SPAG1: variants seen among roughly 807,000 people sequenced by gnomAD.
The protein encoded by SPAG1 is sperm-associated antigen 1.
A neutral mutation model predicts 100.5 loss-of-function variants in SPAG1; 69 were observed. The ratio of observed to expected loss-of-function variants is 0.69; its 90% CI spans 0.57 to 0.84. SPAG1 has a LOEUF of 0.84. Ranked by LOEUF, SPAG1 falls within the 40% of genes least tolerant of loss-of-function variation. The pLI is 0.00. For missense variants in SPAG1, 955 were observed against 1,133.1 expected (o/e 0.84, Z 2.26); for synonymous variants, 336 against 411.6 (o/e 0.82, Z 2.22).
At chr8:100,214,087 A>T (rs1817865099) in intron 12 of SPAG1, among the ~76,000 whole-genome samples, 169 bp downstream of exon 12, 1 of 152,208 alleles carries the variant, frequency 6.6e-6, no homozygotes, top group Non-Finnish European at 1.5e-5. Flanking sequence ...GTATATGAAG[A>T]GAGTTATAGA....
rs1056239326 is a variant in SPAG1 at position 100,241,518 on chromosome 8, T to C, written c.*496T>C. On this transcript the variant is annotated 3_prime_UTR_variant, in exon 19 of 19. Transcript: ENST00000388798. This position sits in a 1 kb window ranked among gnomAD's most constrained non-coding sequence, Gnocchi z 5.1. ...AAATGAAATGCAACACTGAAGTCTA[T>C]AACATGAAATGATTATTAAATTGTT... 1 of 152,190 alleles carries C rather than the reference T, an allele frequency of 6.6e-6. No homozygotes were observed. The highest frequency in any genetic ancestry group is 1.5e-5 in the Non-Finnish European group (1 of 67,998). 9.4% of individuals were successfully genotyped at this position (152,190 alleles called of 1,614,324 possible).
intron 2 of SPAG1, among the ~76,000 whole-genome samples, chr8:100,163,662 G>A (rs144997801): frequency 1.3e-5 from 2 of 151,948 alleles, no homozygotes; most frequent in African/African-American, 4.8e-5. Context: ...CTTATCACTG[G>A]GTTCTTCCCT....
Position 100,183,987 on chromosome 8 carries a change from G to A in SPAG1, c.520G>A (p.Asp174Asn), listed in dbSNP as rs1277584118. ...FDVEKECLKI[D>N]EDYKEKTVID... ...CGTGGAGAAGGAATGTTTAAAAATT[G>A]ATGAAGATTACAAAGAAAAGACGGT... Residue 174 changes from aspartate to asparagine, a missense_variant, in exon 6 of 19, where the codon GAT becomes AAT. Transcript: ENST00000388798. 1.3e-6 allele frequency: 2 copies of A among 1,548,512 alleles called. No individual in the cohort carries two copies. Among genetic ancestry groups the A allele is most frequent in the Non-Finnish European group, 1.7e-6 (2 of 1,152,626 alleles).
At position 100,213,271 on chromosome 8, in the gene SPAG1, G is replaced by T; in HGVS notation, c.1278G>T (p.Ala426=). 8.2e-7 allele frequency: 1 copy of T among 1,212,660 alleles called. No homozygotes were observed. Among genetic ancestry groups the T allele is most frequent in the Non-Finnish European group, 1.0e-6 (1 of 978,384 alleles). The allele number at this position is 1,212,660 out of a possible 1,614,324, so 75.1% of individuals were successfully genotyped here. ...KRSPRRASAA[A]AAGGGATGHP... is the part of the protein sequence containing the mutation. ...GCCCACGGCGGGCCTCTGCGGCGGCGGCGGCGGGCGGCGGCGCCACCGGGC... is the reference window on the plus strand; with the variant it reads ...GCCCACGGCGGGCCTCTGCGGCGGCTGCGGCGGGCGGCGGCGCCACCGGGC... The change falls in exon 11 of 19, where the codon GCG becomes GCT. Residue 426 remains alanine, a synonymous_variant. Coordinates refer to ENST00000388798, the MANE Select transcript of SPAG1 (RefSeq NM_003114.5).
chr8:100,171,241 G>A (rs1815835653), intron 3 of SPAG1, among the ~76,000 whole-genome samples: 1 of 152,026 alleles, frequency 6.6e-6, no homozygotes, highest in Admixed American at 6.6e-5. Flanking sequence ...GATTTGATTT[G>A]CTAAAATTTT....
intron 15 of SPAG1, among the ~76,000 whole-genome samples, chr8:100,232,534 T>C (rs1818823243): frequency 6.6e-6 from 1 of 152,128 alleles, no homozygotes; most frequent in African/African-American, 2.4e-5. Flanking sequence ...CAAGCTCAGA[T>C]GCTCCTACCT....
At chr8:100,174,248 T>C (rs1816006091) in intron 3 of SPAG1, among the ~76,000 whole-genome samples, 1 of 152,230 alleles carries the variant, frequency 6.6e-6, no homozygotes, top group Non-Finnish European at 1.5e-5. Context: ...GATTATATAC[T>C]GTATTCTTAC....
chr8:100,197,482 A>G (rs986135857), intron 10 of SPAG1, among the ~76,000 whole-genome samples: 1 of 152,210 alleles, frequency 6.6e-6, no homozygotes, highest in Non-Finnish European at 1.5e-5. Context: ...AACAAGTTAC[A>G]TATCAAACAG....
intron 13 of SPAG1, 115 bp from the exon 14 acceptor site, chr8:100,225,058 T>C (rs1818445121): frequency 1.5e-6 from 1 of 679,638 alleles, no homozygotes; most frequent in Admixed American, 2.8e-5. Flanking sequence ...ATTGCATGTT[T>C]TCTACAAGGA....
chr8:100,187,676 ACTCAAG>A (rs1428491980), intron 8 of SPAG1, among the ~76,000 whole-genome samples: 1 of 151,902 alleles, frequency 6.6e-6, no homozygotes, highest in Non-Finnish European at 1.5e-5. Flanking sequence ...CAAAAAAAAA[ACTCAAG>A]CTTGCATTTG....
chr8:100,194,321 G>A, intron 10 of SPAG1, 53 bp downstream of exon 10: 2 of 1,571,814 alleles, frequency 1.3e-6, no homozygotes, highest in South Asian at 1.2e-5. Context: ...TTAATATGAT[G>A]AGCTGGCTCA....
Position 100,233,436 on chromosome 8 carries a change from C to T in SPAG1, c.2014C>T (p.Gln672Ter), listed in dbSNP as rs201740530. The T allele has an allele frequency of 7.6e-5, 123 of 1,613,940 alleles. No homozygotes were observed. Among genetic ancestry groups the T allele is most frequent in the Non-Finnish European group, 9.8e-5 (116 of 1,179,962 alleles). The part of the protein sequence containing the change: ...NRALCYLKLC[Q>*]FEEAKQDCDQ... ...AGCTCTCTGTTACTTGAAGCTGTGCCAGTTTGAAGAAGCAAAGCAGGACTG... is the reference window on the plus strand; with the variant it reads ...AGCTCTCTGTTACTTGAAGCTGTGCTAGTTTGAAGAAGCAAAGCAGGACTG... The change falls in exon 16 of 19, where the codon CAG (glutamine) becomes TAG (stop). Residue 672 changes from glutamine (Q) to a stop codon, truncating the protein, a stop_gained. Transcript: ENST00000388798. LOFTEE classifies it high-confidence loss of function.
At chr8:100,206,488 C>A (rs1040421404) in intron 10 of SPAG1, among the ~76,000 whole-genome samples, 1 of 152,162 alleles carries the variant, frequency 6.6e-6, no homozygotes, top group Non-Finnish European at 1.5e-5. Context: ...CTGGACCTAG[C>A]GAGCAAGAAG....
intron 10 of SPAG1, among the ~76,000 whole-genome samples, chr8:100,208,679 C>A (rs1013146047): frequency 6.6e-6 from 1 of 152,132 alleles, no homozygotes; most frequent in Non-Finnish European, 1.5e-5. Context: ...TAAGAAATGT[C>A]TTCATTTTAT....
chr8:100,182,255 G>T (rs186295944), intron 4 of SPAG1, among the ~76,000 whole-genome samples: 4 of 152,222 alleles, frequency 2.6e-5, no homozygotes, highest in Middle Eastern at 3.4e-3. Context: ...TTCTGTTCTG[G>T]TGCAGAACCT....
chr8:100,195,316 ATATTC>A (rs1816989825), intron 10 of SPAG1, among the ~76,000 whole-genome samples: 1 of 152,212 alleles, frequency 6.6e-6, no homozygotes, highest in African/African-American at 2.4e-5. Context: ...ATTTGACAGA[ATATTC>A]TAATTTTGAG....
chr8:100,163,883 C>T (rs1815428486), intron 2 of SPAG1, among the ~76,000 whole-genome samples: 1 of 152,108 alleles, frequency 6.6e-6, no homozygotes, highest in Non-Finnish European at 1.5e-5. Context: ...TGGAAAGCTA[C>T]AGTTATAATA....
chr8:100,162,302 T>C lies in SPAG1; in HGVS notation c.22T>C (p.Ser8Pro). 4 of 1,602,902 alleles carry C rather than the reference T, an allele frequency of 2.5e-6. No individual in the cohort carries two copies. Among genetic ancestry groups the C allele is most frequent in the South Asian group, 1.1e-5 (1 of 88,096 alleles). Reference protein sequence around the residue: MTTKDYPSLWGFGTTKTF... With the variant: MTTKDYPPLWGFGTTKTF... ...AGCTATGACCACCAAAGATTATCCATCATTGTGGGGCTTTGGAACAACAAA... is the reference window on the plus strand; with the variant it reads ...AGCTATGACCACCAAAGATTATCCACCATTGTGGGGCTTTGGAACAACAAA... Residue 8 changes from serine (S) to proline (P), a missense_variant, in exon 2 of 19, where the codon TCA (serine) becomes CCA (proline). Ser to Pro is a moderately conservative substitution (Grantham distance 74, BLOSUM62 -1). Coordinates refer to ENST00000388798, the MANE Select transcript of SPAG1 (RefSeq NM_003114.5).
intron 8 of SPAG1, among the ~76,000 whole-genome samples, chr8:100,187,921 C>T (rs1167299325): frequency 6.6e-6 from 1 of 151,070 alleles, no homozygotes; most frequent in African/African-American, 2.4e-5. Flanking sequence ...GGCGTGATCT[C>T]GGCTCACTGC....
Sources: allele counts gnomAD v4.1 joint callset (sites outside exome capture counted in the v4.1 genomes callset), GRCh38; gene constraint gnomAD v4.1.1; non-coding constraint Gnocchi (gnomAD v3.1); transcripts MANE v1.5; gene names NCBI Gene and HGNC (gene_info 2026-07-23, HGNC 2026-07-21).